CDH2: variants seen among roughly 807,000 people sequenced by gnomAD.
The protein encoded by CDH2 is cadherin 2.
Under a neutral mutation model 92.0 loss-of-function variants are expected in CDH2, and 17 were observed. The ratio of observed to expected loss-of-function variants is 0.18; its 90% CI spans 0.13 to 0.28. The LOEUF is 0.28. Ranked by LOEUF, CDH2 falls within the 10% of genes least tolerant of loss-of-function variation. The pLI is 1.00. For missense variants in CDH2, 862 were observed against 1,133.1 expected, an observed-to-expected ratio of 0.76 and a Z score of 3.44; for synonymous variants, 419 against 415.9, an observed-to-expected ratio of 1.01 and a Z score of -0.09.
At chr18:28,021,061 A>G (rs1471786915) in intron 2 of CDH2, among the ~76,000 whole-genome samples, 3 of 151,948 alleles carry the variant, frequency 2.0e-5, no homozygotes, top group African/African-American at 7.2e-5. Context: ...CTCGTTGTCA[A>G]TATCCCCAAT....
chr18:28,133,936 A>T (rs1457097984), intron 2 of CDH2, among the ~76,000 whole-genome samples: 3 of 152,106 alleles, frequency 2.0e-5, no homozygotes, highest in African/African-American at 7.2e-5. Context: ...AAGCAGGAGG[A>T]TGGCTGGGGC....
chr18:28,141,769 C>T (rs958475938), intron 2 of CDH2, among the ~76,000 whole-genome samples: 1 of 152,006 alleles, frequency 6.6e-6, no homozygotes, highest in Non-Finnish European at 1.5e-5. Context: ...ATAGTCAAAG[C>T]CCCACACAAA....
intron 2 of CDH2, among the ~76,000 whole-genome samples, chr18:28,020,641 A>AAT (rs1047407107): frequency 6.6e-6 from 1 of 152,000 alleles, no homozygotes; most frequent in African/African-American, 2.4e-5. Context: ...TATTATTTTT[A>AAT]ATATATGGGC....
chr18:28,098,961 T>C (rs909122183), intron 2 of CDH2, among the ~76,000 whole-genome samples: 2 of 152,112 alleles, frequency 1.3e-5, no homozygotes, highest in African/African-American at 4.8e-5. Context: ...TGACTGTATA[T>C]ATACATAGGG....
chr18:28,066,218 G>C (rs2144156833), intron 2 of CDH2, among the ~76,000 whole-genome samples: 1 of 152,086 alleles, frequency 6.6e-6, no homozygotes, highest in East Asian at 1.9e-4. Context: ...ACAGGAAGAA[G>C]AAAAAAACTA....
intron 1 of CDH2, among the ~76,000 whole-genome samples, chr18:28,164,591 GTCA>G (rs1192868114): frequency 1.3e-5 from 2 of 152,076 alleles, no homozygotes; most frequent in African/African-American, 4.8e-5. Flanking sequence ...CTACAGGGTT[GTCA>G]TCATCATGTT....
intron 14 of CDH2, among the ~76,000 whole-genome samples, chr18:27,972,343 A>G (rs1470132015): frequency 1.3e-5 from 2 of 152,188 alleles, no homozygotes; most frequent in African/African-American, 2.4e-5. Context: ...CCAAGCCAGT[A>G]ACACCTCCTG....
At chr18:27,982,813 A>C in intron 14 of CDH2, 131 bp downstream of exon 14, 1 of 518,860 alleles carries the variant, frequency 1.9e-6, no homozygotes, top group East Asian at 3.3e-5. Flanking sequence ...CACACATAGG[A>C]AACAATTTAC....
chr18:28,072,068 G>T (rs1292690012), intron 2 of CDH2, among the ~76,000 whole-genome samples: 1 of 152,042 alleles, frequency 6.6e-6, no homozygotes, highest in Non-Finnish European at 1.5e-5. Context: ...GTTTGACAGA[G>T]AATCACTTAT....
intron 1 of CDH2, among the ~76,000 whole-genome samples, chr18:28,155,385 C>T (rs1282061158): frequency 1.3e-5 from 2 of 152,162 alleles, no homozygotes; most frequent in Non-Finnish European, 1.5e-5. Flanking sequence ...TATTATGATG[C>T]TGGTATTGTT....
At chr18:28,084,592 C>T (rs891488980) in intron 2 of CDH2, among the ~76,000 whole-genome samples, 3 of 150,580 alleles carry the variant, frequency 2.0e-5, no homozygotes, top group African/African-American at 4.9e-5. Context: ...AAAAAGGATA[C>T]ACACACACAC....
intron 14 of CDH2, among the ~76,000 whole-genome samples, chr18:27,980,794 C>CAA (rs777659826): frequency 8.8e-4 from 66 of 75,000 alleles, no homozygotes; most frequent in African/African-American, 1.8e-3. Flanking sequence ...TGGCTGGGGT[C>CAA]AAAAAAAAAA....
chr18:28,138,670 T>G (rs1288911910), intron 2 of CDH2, among the ~76,000 whole-genome samples: 2 of 152,110 alleles, frequency 1.3e-5, no homozygotes, highest in Non-Finnish European at 2.9e-5. Flanking sequence ...TTTGCTTGTC[T>G]GTTGACCACT....
At chr18:27,997,737 G>A (rs1434173623) in intron 7 of CDH2, among the ~76,000 whole-genome samples, 3 of 152,030 alleles carry the variant, frequency 2.0e-5, no homozygotes, top group Non-Finnish European at 4.4e-5. Flanking sequence ...GATAAATTGG[G>A]TTGGGGACAG....
chr18:28,115,454 T>C (rs2015481251), intron 2 of CDH2, among the ~76,000 whole-genome samples: 1 of 152,142 alleles, frequency 6.6e-6, no homozygotes, highest in Non-Finnish European at 1.5e-5. Context: ...GTGAAACCAG[T>C]CAACCCTAAG....
At chr18:28,054,468 G>A (rs2014253387) in intron 2 of CDH2, among the ~76,000 whole-genome samples, 1 of 152,088 alleles carries the variant, frequency 6.6e-6, no homozygotes, top group Admixed American at 6.6e-5. Context: ...AAAGGCAAAC[G>A]GGCATGTCTT....
chr18:27,997,883 T>C (rs1406306628), intron 7 of CDH2, among the ~76,000 whole-genome samples: 1 of 152,042 alleles, frequency 6.6e-6, no homozygotes, highest in Non-Finnish European at 1.5e-5. Context: ...CTCGGCTCAC[T>C]GCAAGCTCTG....
At chr18:27,975,530 A>G (rs574924376) in intron 14 of CDH2, among the ~76,000 whole-genome samples, 20 of 152,354 alleles carry the variant, frequency 1.3e-4, no homozygotes, top group Admixed American at 9.8e-4. Context: ...TGGCACTGGC[A>G]GAAGCAAACT....
intron 2 of CDH2, among the ~76,000 whole-genome samples, chr18:28,042,685 A>T (rs1012049367): frequency 6.6e-6 from 1 of 152,184 alleles, no homozygotes; most frequent in Admixed American, 6.5e-5. Context: ...TTAAAGCAAG[A>T]TTTGCATCGA....
Sources: allele counts gnomAD v4.1 joint callset (sites outside exome capture counted in the v4.1 genomes callset), GRCh38; gene constraint gnomAD v4.1.1; transcripts MANE v1.5; gene names NCBI Gene and HGNC (gene_info 2026-07-23, HGNC 2026-07-21).